The following PDHA1 variants were observed in gnomAD, a reference collection of about 807,000 sequenced individuals.
PDHA1 encodes the protein pyruvate dehydrogenase E1 subunit alpha 1, also known as pyruvate dehydrogenase E1 component subunit alpha, somatic form, mitochondrial.
A neutral mutation model predicts 33.0 loss-of-function variants in PDHA1; 1 was observed. The ratio of observed to expected loss-of-function variants is 0.03; its 90% CI spans 0.01 to 0.14. PDHA1 has a LOEUF of 0.14. Ranked by LOEUF, PDHA1 falls within the 10% of genes least tolerant of loss-of-function variation. The probability of loss-of-function intolerance (pLI) is 1.00; values close to 1 mark genes in which losing one functional copy is unlikely to be tolerated. For synonymous variants in PDHA1, 123 were observed against 119.2 expected, an observed-to-expected ratio of 1.03 and a Z score of -0.21; for missense variants, 168 against 325.1, an observed-to-expected ratio of 0.52 and a Z score of 3.72.
intron 9 of PDHA1, 84 bp downstream of exon 9, chrX:19,357,803 T>A (rs2063214166): frequency 6.6e-6 from 5 of 757,108 alleles, no homozygotes; most frequent in Non-Finnish European, 1.0e-5. Flanking sequence ...CAGTATTTGC[T>A]TTTGGAGCTA....
chrX:19,358,879 C>T (rs1354770369), intron 9 of PDHA1, 37 bp from the exon 10 acceptor site: 3 of 805,019 alleles, frequency 3.7e-6, no homozygotes, highest in Non-Finnish European at 5.7e-6. Flanking sequence ...ACTGGAACTG[C>T]TCTTACTGAT....
chrX:19,358,805 C>T lies in PDHA1; in HGVS notation c.900-111C>T, dbSNP rs780973496. The T allele has an allele frequency of 3.9e-5, 21 of 535,863 alleles. No homozygotes were observed. The Middle Eastern group carries it at 1.4e-3, about 36-fold the overall frequency. 44.2% of individuals were successfully genotyped at this position (535,863 alleles called of 1,213,427 possible). On this transcript the variant is annotated intron_variant, in intron 9 of 10. Transcript: ENST00000422285. ...GCCCCTTTGTTTCAGAAACACACTT[C>T]TGTATTTCACCTCATTGGGACAATC...
chrX:19,346,426 C>T, intron 1 of PDHA1: 1 of 340,043 alleles, frequency 2.9e-6, no homozygotes. Flanking sequence ...AGCGATCCTC[C>T]TGCCTTAGCC....
chrX:19,357,533 G>C, intron 8 of PDHA1, 119 bp from the exon 9 acceptor site: 2 of 590,758 alleles, frequency 3.4e-6, no homozygotes, highest in East Asian at 3.2e-5. Context: ...CAACTCAGAA[G>C]ATCTGATAAG....
At chrX:19,347,308 T>C (rs2063140682) in intron 1 of PDHA1, among the ~76,000 whole-genome samples, 2 of 112,801 alleles carry the variant, frequency 1.8e-5, no homozygotes, top group Non-Finnish European at 3.7e-5. Context: ...GGTAAACTTA[T>C]CTTTTCAACA....
chrX:19,351,230 T>C, intron 3 of PDHA1, 51 bp from the exon 4 acceptor site: 1 of 1,178,940 alleles, frequency 8.5e-7, no homozygotes, highest in Non-Finnish European at 1.2e-6. Flanking sequence ...AACGTTTTTA[T>C]TTAGAAACAT....
At position 19,360,420 on chromosome X, in the gene PDHA1, A is replaced by G; in HGVS notation, c.*767A>G. 2 of 212,534 alleles carry G rather than the reference A, an allele frequency of 9.4e-6. No homozygotes were observed. The highest frequency in any genetic ancestry group is 1.7e-5 in the Non-Finnish European group (2 of 117,261). The allele number at this position is 212,534 out of a possible 1,213,427, so 17.5% of individuals were successfully genotyped here. A position where few individuals can be genotyped will look rare whatever the true frequency, so the allele number is the denominator to read the frequency against. On this transcript the variant is annotated 3_prime_UTR_variant, in exon 11 of 11. Coordinates refer to ENST00000422285, the MANE Select transcript of PDHA1 (RefSeq NM_000284.4). ...CAGGCTGGAGTGCAGTGGTGTGATC[A>G]TGGCTCACTGCAGCCTCCACACCTC...
Position 19,359,469 on chromosome X carries a change from C to A in PDHA1, c.1009-20C>A. ...CTGCTGTTCATTCTAAAACCTTTTA[C>A]ACTGTTACCTAATTTTTAGGAAATT... On this transcript the variant is annotated intron_variant, in intron 10 of 10. Transcript: ENST00000422285. 8.4e-7 allele frequency: 1 copy of A among 1,195,443 alleles called. No individual in the cohort carries two copies. The highest frequency in any genetic ancestry group is 2.2e-5 in the Admixed American group (1 of 45,940).
At chrX:19,350,760 T>C (rs1282712992) in intron 3 of PDHA1, among the ~76,000 whole-genome samples, 1 of 112,023 alleles carries the variant, frequency 8.9e-6, no homozygotes, top group African/African-American at 3.2e-5. Flanking sequence ...GTTTTTTGTT[T>C]TGTGGGCTTA....
At chrX:19,355,197 C>T (rs999035210) in intron 6 of PDHA1, 152 bp from the exon 7 acceptor site, 15 of 628,684 alleles carry the variant, frequency 2.4e-5, no homozygotes, top group East Asian at 6.7e-5. Context: ...CCACCCACCC[C>T]GCTTTCCCTC....
intron 9 of PDHA1, among the ~76,000 whole-genome samples, chrX:19,358,101 T>A (rs1374473020): frequency 8.9e-6 from 1 of 112,131 alleles, no homozygotes; most frequent in Non-Finnish European, 1.9e-5. Context: ...TTTGGAGATG[T>A]TCCTCTGTCT....
intron 9 of PDHA1, among the ~76,000 whole-genome samples, chrX:19,358,170 C>G (rs912948241): frequency 1.4e-4 from 16 of 111,713 alleles, no homozygotes; most frequent in African/African-American, 5.2e-4. Flanking sequence ...ATCAAAAAAG[C>G]TAGGTTCCAC....
chrX:19,361,625 T>G lies in PDHA1; in HGVS notation c.*1972T>G. 2 of 1,019,607 alleles carry G rather than the reference T, an allele frequency of 2.0e-6. No individual in the cohort carries two copies. Among genetic ancestry groups the G allele is most frequent in the Non-Finnish European group, 2.7e-6 (2 of 730,612 alleles). The allele number at this position is 1,019,607 out of a possible 1,213,427, so 84.0% of individuals were successfully genotyped here. A position where few individuals can be genotyped will look rare whatever the true frequency, so the allele number is the denominator to read the frequency against. On this transcript the variant is annotated 3_prime_UTR_variant, in exon 11 of 11. Coordinates refer to ENST00000422285, the MANE Select transcript of PDHA1 (RefSeq NM_000284.4). ...CGATTGGCAATTTGTTATATATTAG[T>G]CTAACCATAAAACTCTTCAAAAGTA...
rs1221380150 is a variant in PDHA1 at position 19,349,527 on chromosome X, G to A, written c.117+156G>A. Among the ~76,000 whole-genome samples, 3 of 111,907 alleles carry A rather than the reference G, an allele frequency of 2.7e-5. No individual in the cohort carries two copies. In the Admixed American group the frequency reaches 2.9e-4, roughly 11 times the overall value. The stretch of plus-strand genomic sequence containing the variant: ...GTTCAGAGAAGCTTCACGAAAACTA[G>A]AATTTATTATTAGCAGCTTGCTGTT... On this transcript the variant is annotated intron_variant, in intron 2 of 10. Transcript: ENST00000422285.
rs2063257495 is a variant in PDHA1, at chrX:19,359,926, C to T, written c.*273C>T. The T allele has an allele frequency of 2.9e-6, 1 of 346,286 alleles. No individual in the cohort carries two copies. The highest frequency in any genetic ancestry group is 4.3e-5 in the Admixed American group (1 of 23,351). The allele number at this position is 346,286 out of a possible 1,213,427, so 28.5% of individuals were successfully genotyped here. A position where few individuals can be genotyped will look rare whatever the true frequency, so the allele number is the denominator to read the frequency against. The stretch of plus-strand genomic sequence containing the variant: ...AAAAGGAAGAACAATTCCTTGTATG[C>T]CTGTTTCCCCTGCCCCCAGCCACCT... On this transcript the variant is annotated 3_prime_UTR_variant, in exon 11 of 11. Transcript: ENST00000422285.
chrX:19,356,723 C>CT (rs1227391526), intron 8 of PDHA1, among the ~76,000 whole-genome samples: 5 of 88,711 alleles, frequency 5.6e-5, no homozygotes, highest in Admixed American at 3.2e-4. Context: ...AACAGATAAC[C>CT]TTCACAATTC....
At chrX:19,353,558 A>C (rs1030318100) in intron 5 of PDHA1, among the ~76,000 whole-genome samples, 1 of 111,655 alleles carries the variant, frequency 9.0e-6, no homozygotes, top group Non-Finnish European at 1.9e-5. Flanking sequence ...TCACATGACA[A>C]AATCGCCTAG....
intron 8 of PDHA1, chrX:19,357,418 A>T (rs1299643629): frequency 2.4e-6 from 1 of 416,015 alleles, no homozygotes; most frequent in Non-Finnish European, 4.2e-6. Context: ...TTGATTCAAA[A>T]CAAGCTGTTG....
Position 19,361,508 on chromosome X carries a change from T to G in PDHA1, c.*1855T>G. The G allele has an allele frequency of 8.3e-7, 1 of 1,210,603 alleles. No homozygotes were observed. Among genetic ancestry groups the G allele is most frequent in the Non-Finnish European group, 1.1e-6 (1 of 894,220 alleles). ...GTAAATTTACCTTTTCAATTGTCTT[T>G]GCATCAGCTCCTTGCAGCCGCAACC... On this transcript the variant is annotated 3_prime_UTR_variant, in exon 11 of 11. Transcript: ENST00000422285.
Sources: gnomAD v4.1 joint callset for allele counts (sites outside exome capture counted in the v4.1 genomes callset) on GRCh38, gnomAD v4.1.1 for gene constraint, MANE v1.5 for transcripts, NCBI Gene and HGNC (gene_info 2026-07-23, HGNC 2026-07-21) for gene names.